Variants in PDLIM5 observed in about 807,000 individuals in gnomAD.
PDLIM5 encodes PDZ and LIM domain 5, also known as PDZ and LIM domain protein 5.
In PDLIM5, 34 loss-of-function variants were observed where a neutral mutation model predicts 64.2. That is an observed-to-expected ratio of 0.53 (90% CI 0.40 to 0.71). The LOEUF (loss-of-function observed/expected upper bound fraction) is 0.71. Ranked by LOEUF, PDLIM5 falls within the 30% of genes least tolerant of loss-of-function variation. PDLIM5 has a pLI of 0.00. For missense variants in PDLIM5, 683 were observed against 733.6 expected (o/e 0.93, Z 0.80); for synonymous variants, 253 against 269.1 (o/e 0.94, Z 0.59).
At chr4:94,637,858 A>C (rs1215364796) in intron 8 of PDLIM5, among the ~76,000 whole-genome samples, 3 of 152,178 alleles carry the variant, frequency 2.0e-5, no homozygotes, top group Non-Finnish European at 4.4e-5. Context: ...AGTGGTTAGG[A>C]GACTTGCAAT....
At position 94,594,704 on chromosome 4, in the gene PDLIM5, TATA is replaced by T. The variant is rs566210397; in HGVS notation, c.920+8267_920+8269del. Among the ~76,000 whole-genome samples, 75 of 152,252 alleles carry T rather than the reference TATA, an allele frequency of 4.9e-4. 1 individual carries two copies. The highest frequency in any genetic ancestry group is 1.4e-3 in the African/African-American group (60 of 41,578). On this transcript the variant is annotated intron_variant, in intron 7 of 12. Coordinates refer to ENST00000317968, the MANE Select transcript of PDLIM5 (RefSeq NM_006457.5). ...CCATGTTCTCAATTTTCTACTATATTATAATAATATCAATCTTTGTAGTTTCAA... is the reference window on the plus strand; with the variant it reads ...CCATGTTCTCAATTTTCTACTATATTATAATATCAATCTTTGTAGTTTCAA...
At chr4:94,623,570 A>G (rs1201090755) in intron 8 of PDLIM5, among the ~76,000 whole-genome samples, 3 of 152,060 alleles carry the variant, frequency 2.0e-5, no homozygotes, top group Non-Finnish European at 4.4e-5. Context: ...GTCTTTTACG[A>G]CTGTTTTTAG....
intron 9 of PDLIM5, among the ~76,000 whole-genome samples, chr4:94,651,176 G>A (rs1039347103): frequency 4.6e-5 from 7 of 152,154 alleles, no homozygotes; most frequent in Non-Finnish European, 8.8e-5. Context: ...TAATTTTATT[G>A]TTTAATCTGT....
chr4:94,487,933 G>A (rs1328021472), intron 2 of PDLIM5, among the ~76,000 whole-genome samples: 1 of 152,092 alleles, frequency 6.6e-6, no homozygotes, highest in Non-Finnish European at 1.5e-5. Context: ...AGTATATTAG[G>A]ACTAGGGAGT....
chr4:94,487,522 G>T (rs1164887976), intron 2 of PDLIM5, among the ~76,000 whole-genome samples: 2 of 152,138 alleles, frequency 1.3e-5, no homozygotes, highest in Non-Finnish European at 2.9e-5. Flanking sequence ...CACACCTCTT[G>T]CAGCCTGGCC....
intron 7 of PDLIM5, among the ~76,000 whole-genome samples, chr4:94,615,018 A>G (rs1240130201): frequency 6.6e-6 from 1 of 152,228 alleles, no homozygotes; most frequent in Non-Finnish European, 1.5e-5. Flanking sequence ...AGGATGTAGA[A>G]GTAAGAATCC....
chr4:94,490,858 A>C (rs1726809569), intron 2 of PDLIM5, among the ~76,000 whole-genome samples: 1 of 152,184 alleles, frequency 6.6e-6, no homozygotes, highest in African/African-American at 2.4e-5. Context: ...TACCCAGAAG[A>C]GCATAGGAGT....
rs1722878468 is a variant in PDLIM5, at chr4:94,451,951, C to G, written c.-87C>G. The G allele has an allele frequency of 6.6e-6, 1 of 152,306 alleles. No individual in the cohort carries two copies. Among genetic ancestry groups the G allele is most frequent in the Non-Finnish European group, 1.5e-5 (1 of 68,146 alleles). 9.4% of individuals were successfully genotyped at this position (152,306 alleles called of 1,614,324 possible). On this transcript the variant is annotated 5_prime_UTR_variant, in exon 1 of 13. Transcript: ENST00000317968. Reference sequence around the variant, plus strand: ...GCCCTCACCGCGAGTCACTTGTCAGCCCTTGTCTGAGGCGGAGGCAGCCCC... The same window carrying G: ...GCCCTCACCGCGAGTCACTTGTCAGGCCTTGTCTGAGGCGGAGGCAGCCCC...
chr4:94,478,765 G>T (rs1725558174), intron 2 of PDLIM5, among the ~76,000 whole-genome samples: 1 of 152,010 alleles, frequency 6.6e-6, no homozygotes, highest in Non-Finnish European at 1.5e-5. Flanking sequence ...AAGCAGAAAT[G>T]GTAGGCCGCT....
rs1232398882 is a variant in PDLIM5 at position 94,657,522 on chromosome 4, G to A, written c.1560G>A (p.Glu520=). 6.2e-7 allele frequency: 1 copy of A among 1,611,230 alleles called. No individual in the cohort carries two copies. The highest frequency in any genetic ancestry group is 8.5e-7 in the Non-Finnish European group (1 of 1,177,656). Residue 520 remains glutamate, a synonymous_variant, in exon 11 of 13, where the codon GAG becomes GAA. Transcript: ENST00000317968. The stretch of plus-strand genomic sequence containing the variant: ...TTCGGAACAATGTTTTTCACTTGGA[G>A]GATGGTGAACCCTACTGTGAGACTG... ...KPIRNNVFHL[E]DGEPYCETDY...
At chr4:94,517,414 AT>A (rs1729458816) in intron 2 of PDLIM5, among the ~76,000 whole-genome samples, 2 of 152,244 alleles carry the variant, frequency 1.3e-5, no homozygotes, top group Admixed American at 1.3e-4. Flanking sequence ...TGGAAAATAT[AT>A]TTTAAAACAA....
At chr4:94,548,282 A>G (rs576764160) in intron 3 of PDLIM5, among the ~76,000 whole-genome samples, 1 of 152,306 alleles carries the variant, frequency 6.6e-6, no homozygotes, top group East Asian at 1.9e-4. Context: ...TACCACTCAA[A>G]TGGATTGCCA....
intron 8 of PDLIM5, among the ~76,000 whole-genome samples, chr4:94,637,998 TGGGGACACAGGA>T (rs1404413899): frequency 1.3e-5 from 2 of 152,150 alleles, no homozygotes; most frequent in African/African-American, 4.8e-5. Context: ...GACTAACCCT[TGGGGACACAGGA>T]GGCCGAGTTC....
chr4:94,520,450 A>G (rs1209025032), intron 2 of PDLIM5, among the ~76,000 whole-genome samples: 1 of 152,248 alleles, frequency 6.6e-6, no homozygotes, highest in Non-Finnish European at 1.5e-5. Flanking sequence ...CCTGAAAAAC[A>G]GTGAAACAAA....
At chr4:94,661,376 G>A (rs1742700975) in intron 11 of PDLIM5, among the ~76,000 whole-genome samples, 1 of 151,932 alleles carries the variant, frequency 6.6e-6, no homozygotes, top group South Asian at 2.1e-4. Flanking sequence ...CTGGGTGACA[G>A]AGCAAGACCC....
At chr4:94,608,366 A>G (rs1738098399) in intron 7 of PDLIM5, among the ~76,000 whole-genome samples, 4 of 152,206 alleles carry the variant, frequency 2.6e-5, no homozygotes, top group South Asian at 2.1e-4. Flanking sequence ...ATTTTTGTTT[A>G]GTTTATAACT....
chr4:94,475,143 G>A (rs1487382930), intron 2 of PDLIM5, among the ~76,000 whole-genome samples: 2 of 150,400 alleles, frequency 1.3e-5, no homozygotes, highest in Non-Finnish European at 1.5e-5. Flanking sequence ...GCCCTCCCCC[G>A]CCTTTTTTTT....
intron 2 of PDLIM5, among the ~76,000 whole-genome samples, chr4:94,497,494 T>G (rs1402635571): frequency 1.3e-5 from 2 of 152,202 alleles, no homozygotes; most frequent in African/African-American, 4.8e-5. Flanking sequence ...GATTATTGAT[T>G]TTATAATACA....
intron 2 of PDLIM5, among the ~76,000 whole-genome samples, chr4:94,470,525 T>C (rs1185941639): frequency 6.6e-6 from 1 of 152,232 alleles, no homozygotes; most frequent in East Asian, 1.9e-4. Flanking sequence ...AAGAATATTT[T>C]AGCCAATTGG....
Sources: gnomAD v4.1 joint callset for allele counts (sites outside exome capture counted in the v4.1 genomes callset) on GRCh38, gnomAD v4.1.1 for gene constraint, MANE v1.5 for transcripts, NCBI Gene and HGNC (gene_info 2026-07-23, HGNC 2026-07-21) for gene names.